FN1: variants seen among roughly 807,000 people sequenced by gnomAD.
FN1 encodes fibronectin 1, also known as fibronectin.
In FN1, 106 loss-of-function variants were observed where a neutral mutation model predicts 297.3. That is an observed-to-expected ratio of 0.36 (90% CI 0.30 to 0.42). The LOEUF (loss-of-function observed/expected upper bound fraction) is 0.42. Ranked by LOEUF, FN1 falls within the 10% of genes least tolerant of loss-of-function variation. The probability of loss-of-function intolerance (pLI) is 1.00; values close to 1 mark genes in which losing one functional copy is unlikely to be tolerated. For synonymous variants in FN1, 1,149 were observed against 1,152.6 expected, an observed-to-expected ratio of 1.00 and a Z score of 0.06; for missense variants, 2,690 against 3,124.9, an observed-to-expected ratio of 0.86 and a Z score of 3.32.
At position 215,430,863 on chromosome 2, in the gene FN1, AT is replaced by A; in HGVS notation, c.548-12del. Reference sequence around the variant, plus strand: ...CAAAACACTTCTCAGCTGTAGGGAAATTTGGAAGAAAAACAGGAAAAAAAGG... The same window carrying A: ...CAAAACACTTCTCAGCTGTAGGGAAATTGGAAGAAAAACAGGAAAAAAAGG... On this transcript the variant is annotated splice_polypyrimidine_tract_variant and intron_variant, in intron 4 of 45. Transcript: ENST00000354785. 1 of 1,613,902 alleles carries A rather than the reference AT, an allele frequency of 6.2e-7. No homozygotes were observed. Among genetic ancestry groups the A allele is most frequent in the Non-Finnish European group, 8.5e-7 (1 of 1,179,836 alleles).
chr2:215,385,248 T>TAA (rs10542238), intron 28 of FN1, among the ~76,000 whole-genome samples: 20 of 128,086 alleles, frequency 1.6e-4, no homozygotes, highest in African/African-American at 3.9e-4. Context: ...ACAGAAAAGT[T>TAA]AAAAAAAAAA....
chr2:215,423,051 C>A (rs1042659128), intron 9 of FN1, among the ~76,000 whole-genome samples: 1 of 152,136 alleles, frequency 6.6e-6, no homozygotes, highest in African/African-American at 2.4e-5. Context: ...CAAACCTGTG[C>A]AAATTCATAT....
intron 20 of FN1, among the ~76,000 whole-genome samples, chr2:215,401,964 G>A (rs1320854729): frequency 1.3e-5 from 2 of 151,816 alleles, no homozygotes; most frequent in East Asian, 1.9e-4. Flanking sequence ...ACATGACTGG[G>A]ATGGGTGACC....
intron 13 of FN1, among the ~76,000 whole-genome samples, chr2:215,410,515 T>C (rs1177944117): frequency 6.6e-6 from 1 of 151,864 alleles, no homozygotes; most frequent in Non-Finnish European, 1.5e-5. Flanking sequence ...CACTTTTTTT[T>C]TTTTTTTTTG....
intron 38 of FN1, among the ~76,000 whole-genome samples, chr2:215,374,592 C>T (rs1343057938): frequency 2.0e-5 from 3 of 152,238 alleles, no homozygotes; most frequent in South Asian, 4.1e-4. Context: ...TTTTCTGAGG[C>T]CTCCCCAGCC....
intron 15 of FN1, among the ~76,000 whole-genome samples, chr2:215,408,943 CCTTT>C (rs2062173486): frequency 6.6e-6 from 1 of 152,140 alleles, no homozygotes; most frequent in Non-Finnish European, 1.5e-5. Flanking sequence ...CCTCCTTCTT[CCTTT>C]CATTTTTCCA....
chr2:215,388,461 C>G (rs943437121), intron 26 of FN1, among the ~76,000 whole-genome samples, 160 bp from the exon 27 acceptor site: 14 of 152,230 alleles, frequency 9.2e-5, no homozygotes, highest in Admixed American at 2.0e-4. Context: ...GTGAACAGAC[C>G]TTGAGAAGGT....
intron 44 of FN1, 194 bp downstream of exon 44, chr2:215,364,685 A>G (rs2054184307): frequency 1.6e-6 from 1 of 618,026 alleles, no homozygotes; most frequent in Non-Finnish European, 2.9e-6. Flanking sequence ...AGAGTAATAG[A>G]AAGAATGAAT....
chr2:215,388,866 AAAAC>A (rs1163169377), intron 26 of FN1, among the ~76,000 whole-genome samples: 1 of 152,166 alleles, frequency 6.6e-6, no homozygotes, highest in Non-Finnish European at 1.5e-5. Context: ...TGTAAATGAA[AAAAC>A]AAAAAACAAA....
At position 215,380,854 on chromosome 2, in the gene FN1, G is replaced by C. The variant is rs763402272; in HGVS notation, c.5391C>G (p.His1797Gln). The C allele has an allele frequency of 1.2e-6, 2 of 1,613,770 alleles. No homozygotes were observed. The highest frequency in any genetic ancestry group is 1.7e-6 in the Non-Finnish European group (2 of 1,180,016). Residue 1797 changes from histidine to glutamine, a missense_variant, in exon 33 of 46, where the codon CAC becomes CAG. By Grantham distance (24) the His-to-Gln change is conservative. This residue lies in a region of FN1 where 1,743 missense variants were observed against 1,945.2 expected (regional missense o/e 0.90). Transcript: ENST00000354785. ...TCAGGGGCTGGCTCTCCATATCATC[G>C]TGCAAGGCAACCACACTGACTGTGT... ...SEYTVSVVAL[H>Q]DDMESQPLIG...
chr2:215,389,950 T>C (rs2059521566), intron 26 of FN1, among the ~76,000 whole-genome samples: 1 of 152,126 alleles, frequency 6.6e-6, no homozygotes, highest in Admixed American at 6.5e-5. Flanking sequence ...ATATGGTAAA[T>C]ATTTGTATAT....
chr2:215,411,132 T>C (rs1029483693), intron 13 of FN1, among the ~76,000 whole-genome samples: 18 of 152,126 alleles, frequency 1.2e-4, no homozygotes, highest in Non-Finnish European at 1.9e-4. Flanking sequence ...ACAGAAAAAA[T>C]GCAATTTTGG....
intron 21 of FN1, 49 bp from the exon 22 acceptor site, chr2:215,397,897 G>C (rs1197616410): frequency 6.6e-6 from 10 of 1,518,672 alleles, no homozygotes; most frequent in Non-Finnish European, 8.2e-6. Flanking sequence ...ATTTCCAGAG[G>C]ACTGTTACTG....
intron 26 of FN1, among the ~76,000 whole-genome samples, chr2:215,389,990 A>G (rs1021615222): frequency 3.9e-5 from 6 of 152,092 alleles, no homozygotes; most frequent in African/African-American, 9.7e-5. Context: ...AGGTTTCTAA[A>G]TTTGGAACTC....
At chr2:215,379,488 A>T in intron 33 of FN1, 171 bp from the exon 34 acceptor site, 2 of 618,152 alleles carry the variant, frequency 3.2e-6, no homozygotes, top group South Asian at 3.8e-5. Context: ...CAAAATGAAG[A>T]AAGTGTTTGC....
At chr2:215,420,341 AAAAAC>A (rs1293969781) in intron 11 of FN1, among the ~76,000 whole-genome samples, 6 of 61,608 alleles carry the variant, frequency 9.7e-5, no homozygotes, top group Non-Finnish European at 3.0e-4. Flanking sequence ...TCTCTCTCAA[AAAAAC>A]AAAAACAAAA....
intron 31 of FN1, among the ~76,000 whole-genome samples, chr2:215,382,908 C>T (rs1429758216): frequency 2.6e-5 from 4 of 151,936 alleles, no homozygotes; most frequent in Non-Finnish European, 4.4e-5. Flanking sequence ...CAAAAAAATA[C>T]ATAGTACTCA....
chr2:215,430,520 A>T (rs1313094734), intron 5 of FN1, among the ~76,000 whole-genome samples, 195 bp downstream of exon 5: 1 of 152,180 alleles, frequency 6.6e-6, no homozygotes, highest in Non-Finnish European at 1.5e-5. Context: ...TATCAAAGTG[A>T]TATGTTTTTC....
In FN1 at chr2:215,422,159, A is replaced by G. The variant is rs1324738415; in HGVS notation, c.1478T>C (p.Met493Thr). 2 of 1,614,088 alleles carry G rather than the reference A, an allele frequency of 1.2e-6. No homozygotes were observed. Among genetic ancestry groups the G allele is most frequent in the Admixed American group, 1.7e-5 (1 of 60,028 alleles). The change falls in exon 10 of 46, where the codon ATG becomes ACG. Residue 493 changes from methionine to threonine, a missense_variant. Around this residue, in one of 3 missense-constraint regions of FN1, gnomAD observed 876 missense variants for 1,058.1 expected, o/e 0.83. Transcript: ENST00000354785. The stretch of plus-strand genomic sequence containing the variant: ...ATTCCCAACACACGTGCACCTCATC[A>G]TGTGACCCATGTCATGCTGCTTATC... ...QWDKQHDMGH[M>T]MRCTCVGNGR...
Sources: gnomAD v4.1 joint callset for allele counts (sites outside exome capture counted in the v4.1 genomes callset) on GRCh38, gnomAD v4.1.1 for gene constraint, gnomAD v4.1.1 regional missense constraint, MANE v1.5 for transcripts, NCBI Gene and HGNC (gene_info 2026-07-23, HGNC 2026-07-21) for gene names.